Variants in SRGAP2C observed in about 807,000 individuals in gnomAD.
The protein encoded by SRGAP2C is SLIT-ROBO Rho GTPase-activating protein 2C.
In SRGAP2C, 15 loss-of-function variants were observed where a neutral mutation model predicts 25.1. The ratio of observed to expected loss-of-function variants is 0.60; its 90% confidence interval spans 0.40 to 0.92. The LOEUF (loss-of-function observed/expected upper bound fraction) is 0.92. Among genes scored for constraint, SRGAP2C ranks in the 40% least tolerant of loss-of-function variants. The probability of loss-of-function intolerance (pLI) is 0.00; values close to 1 mark genes in which losing one functional copy is unlikely to be tolerated. For synonymous variants in SRGAP2C, 44 were observed against 96.6 expected (o/e 0.46, Z 3.19); for missense variants, 144 against 264.4 (o/e 0.54, Z 3.16).
intron 2 of SRGAP2C, among the ~76,000 whole-genome samples, chr1:121,259,716 C>A (rs1247478450): frequency 2.7e-5 from 4 of 150,694 alleles, no homozygotes; most frequent in Admixed American, 1.3e-4. Context: ...GGGAGACAAA[C>A]AATAAACATG....
chr1:121,222,160 G>A (rs1225791128), intron 2 of SRGAP2C, among the ~76,000 whole-genome samples: 4 of 152,116 alleles, frequency 2.6e-5, no homozygotes, highest in Non-Finnish European at 2.9e-5. Flanking sequence ...TTTCAGAAGT[G>A]AGGAAACTAA....
At chr1:121,204,555 C>T (rs587623486) in intron 2 of SRGAP2C, among the ~76,000 whole-genome samples, 12 of 151,990 alleles carry the variant, frequency 7.9e-5, no homozygotes, top group East Asian at 7.9e-4. Context: ...CCACCGTGCC[C>T]GGCCTCAGAG....
At chr1:121,366,843 C>A (rs1263362185) in intron 5 of SRGAP2C, among the ~76,000 whole-genome samples, 1 of 150,536 alleles carries the variant, frequency 6.6e-6, no homozygotes, top group East Asian at 2.0e-4. Flanking sequence ...AACCTTGCCA[C>A]TTCTTCAGTG....
chr1:121,380,597 C>T (rs1254121621), intron 7 of SRGAP2C, among the ~76,000 whole-genome samples: 1 of 150,542 alleles, frequency 6.6e-6, no homozygotes, highest in Non-Finnish European at 1.5e-5. Flanking sequence ...ATTATACCAA[C>T]CTCATTGGGG....
At chr1:121,206,418 A>T (rs1553322529) in intron 2 of SRGAP2C, among the ~76,000 whole-genome samples, 3 of 152,194 alleles carry the variant, frequency 2.0e-5, no homozygotes, top group Non-Finnish European at 4.4e-5. Context: ...ATAGTTTTTG[A>T]TGACCTTGAA....
At chr1:121,226,058 G>T (rs1182112171) in intron 2 of SRGAP2C, among the ~76,000 whole-genome samples, 4 of 152,024 alleles carry the variant, frequency 2.6e-5, no homozygotes, top group Admixed American at 2.6e-4. Context: ...CTTCAAAGAG[G>T]GCCTGAAATG....
rs1657323689 is a variant in SRGAP2C at position 121,284,866 on chromosome 1, A to G, written c.131A>G (p.Gln44Arg). 1.7e-6 allele frequency: 2 copies of G among 1,151,042 alleles called. No individual in the cohort carries two copies. The highest frequency in any genetic ancestry group is 2.5e-6 in the Non-Finnish European group (2 of 798,872). The allele number at this position is 1,151,042 out of a possible 1,614,324, so 71.3% of individuals were successfully genotyped here. Residue 44 changes from glutamine (Q) to arginine (R), a missense_variant, in exon 3 of 10, where the codon CAA (glutamine) becomes CGA (arginine). Gln to Arg is a conservative substitution (Grantham distance 43). Coordinates refer to ENST00000367123, the MANE Select transcript of SRGAP2C (RefSeq NM_001329984.2). ...CLDQQCELRVQLLQDLQDFFR... is the reference protein window; with the variant it reads ...CLDQQCELRVRLLQDLQDFFR... ...GACCAGCAGTGTGAGCTTCGGGTGCAACTGTTGCAGGACCTCCAGGACTTC... is the reference window on the plus strand; with the variant it reads ...GACCAGCAGTGTGAGCTTCGGGTGCGACTGTTGCAGGACCTCCAGGACTTC...
intron 7 of SRGAP2C, among the ~76,000 whole-genome samples, chr1:121,377,271 T>C (rs1553353574): frequency 3.8e-5 from 4 of 104,296 alleles, no homozygotes; most frequent in Non-Finnish European, 7.8e-5. Flanking sequence ...TTCTTTTTTT[T>C]TTTTTTTTTT....
intron 2 of SRGAP2C, among the ~76,000 whole-genome samples, chr1:121,234,992 A>C (rs1380932670): frequency 2.9e-4 from 34 of 117,588 alleles, no homozygotes; most frequent in South Asian, 5.7e-4. Context: ...CACTTCCTTC[A>C]CTCTCTCTCT....
intron 3 of SRGAP2C, among the ~76,000 whole-genome samples, chr1:121,295,982 A>T (rs1657591319): frequency 6.6e-6 from 1 of 151,764 alleles, no homozygotes; most frequent in South Asian, 2.1e-4. Flanking sequence ...GTTGGTCTTG[A>T]ACTCCTGACC....
rs1660070486 is a variant in SRGAP2C at position 121,391,177 on chromosome 1, G to A, written c.*3322G>A. The A allele has an allele frequency of 1.3e-5, 2 of 152,128 alleles. No individual in the cohort carries two copies. Among genetic ancestry groups the A allele is most frequent in the South Asian group, 2.1e-4 (1 of 4,828 alleles). The allele number at this position is 152,128 out of a possible 1,614,324, so 9.4% of individuals were successfully genotyped here. A position where few individuals can be genotyped will look rare whatever the true frequency, so the allele number is the denominator to read the frequency against. On this transcript the variant is annotated 3_prime_UTR_variant, in exon 10 of 10. Transcript: ENST00000367123. ...AGTTTGAGACCAGCCTGATCAACAT[G>A]GAGAAACCTCGTCTCTACTAAAAAC...
At chr1:121,268,195 G>A (rs868995520) in intron 2 of SRGAP2C, among the ~76,000 whole-genome samples, 2 of 151,028 alleles carry the variant, frequency 1.3e-5, no homozygotes, top group African/African-American at 4.9e-5. Flanking sequence ...GAGTGTCGGG[G>A]CACTTTCAGA....
intron 3 of SRGAP2C, among the ~76,000 whole-genome samples, chr1:121,309,495 C>T (rs1401051417): frequency 6.9e-6 from 1 of 145,190 alleles, no homozygotes; most frequent in Non-Finnish European, 1.5e-5. Flanking sequence ...CATATGTATA[C>T]ATGTGCCATG....
intron 2 of SRGAP2C, among the ~76,000 whole-genome samples, chr1:121,195,144 C>T (rs1406823934): frequency 3.6e-4 from 55 of 151,816 alleles, no homozygotes; most frequent in African/African-American, 1.3e-3. Flanking sequence ...GGTGTGGTGG[C>T]TTACATCTGT....
intron 2 of SRGAP2C, among the ~76,000 whole-genome samples, chr1:121,263,624 C>T (rs1287568781): frequency 6.6e-6 from 1 of 151,658 alleles, no homozygotes; most frequent in South Asian, 2.1e-4. Flanking sequence ...TCACCAGCTC[C>T]AGGCTGATTC....
intron 2 of SRGAP2C, among the ~76,000 whole-genome samples, chr1:121,264,719 C>G (rs1479995297): frequency 1.3e-5 from 2 of 150,900 alleles, no homozygotes; most frequent in African/African-American, 2.4e-5. Flanking sequence ...TTTCTGTATA[C>G]TCCTACAGCA....
rs1376737957 is a variant in SRGAP2C at position 121,389,298 on chromosome 1, ATTAAT to A, written c.*1447_*1451del. The A allele has an allele frequency of 2.1e-5, 3 of 141,812 alleles. No individual in the cohort carries two copies. The highest frequency in any genetic ancestry group is 2.1e-4 in the East Asian group (1 of 4,710). 8.8% of individuals were successfully genotyped at this position (141,812 alleles called of 1,614,324 possible). ...CTAAAAATTTATCTTCACCATCATC[ATTAAT>A]TTATTTATTAATCATTATTAAATTA... On this transcript the variant is annotated 3_prime_UTR_variant, in exon 10 of 10. Coordinates refer to ENST00000367123, the MANE Select transcript of SRGAP2C (RefSeq NM_001329984.2).
chr1:121,296,533 G>A (rs1197978766), intron 3 of SRGAP2C, among the ~76,000 whole-genome samples: 1 of 44,430 alleles, frequency 2.3e-5, no homozygotes, highest in Non-Finnish European at 4.4e-5. Context: ...TATCAAGGAG[G>A]TAGACATAGA....
chr1:121,230,798 A>G (rs1553327411), intron 2 of SRGAP2C, among the ~76,000 whole-genome samples: 4 of 152,148 alleles, frequency 2.6e-5, no homozygotes, highest in African/African-American at 9.7e-5. Context: ...ATGCCCATCA[A>G]TGATAGACGG....
Sources: allele counts gnomAD v4.1 joint callset (sites outside exome capture counted in the v4.1 genomes callset), GRCh38; gene constraint gnomAD v4.1.1; transcripts MANE v1.5; gene names NCBI Gene and HGNC (gene_info 2026-07-23, HGNC 2026-07-21).